GNAL: variants seen among roughly 807,000 people sequenced by gnomAD.
GNAL encodes the protein guanine nucleotide-binding protein G(olf) subunit alpha.
GNAL carries 18 observed loss-of-function variants against 55.1 expected under a neutral mutation model. The ratio of observed to expected loss-of-function variants is 0.33; its 90% CI spans 0.23 to 0.48. The LOEUF (loss-of-function observed/expected upper bound fraction) is 0.48, where lower values mean the gene tolerates loss of function less well. Among genes scored for constraint, GNAL ranks in the 20% least tolerant of loss-of-function variants. The pLI, the probability that GNAL is intolerant of heterozygous loss-of-function variation, is 0.99. For missense variants in GNAL, 412 were observed against 614.1 expected (o/e 0.67, Z 3.48); for synonymous variants, 253 against 237.0 (o/e 1.07, Z -0.62).
intron 1 of GNAL, among the ~76,000 whole-genome samples, chr18:11,733,161 T>C (rs1419571902): frequency 6.6e-6 from 1 of 152,146 alleles, no homozygotes; most frequent in Non-Finnish European, 1.5e-5. Flanking sequence ...ACAGGGGCGC[T>C]GGCGAGGGAA....
intron 4 of GNAL, among the ~76,000 whole-genome samples, chr18:11,820,651 A>G (rs984942275): frequency 1.3e-5 from 2 of 152,216 alleles, no homozygotes; most frequent in Admixed American, 1.3e-4. Flanking sequence ...CTCTATTTTT[A>G]TAAGTTTGAA....
At chr18:11,690,315 A>T (rs1325713971) in intron 1 of GNAL, among the ~76,000 whole-genome samples, 2 of 152,078 alleles carry the variant, frequency 1.3e-5, no homozygotes, top group Non-Finnish European at 2.9e-5. Context: ...CTGCTACACG[A>T]GGAGGCTGGC....
At chr18:11,844,306 C>T (rs1159031384) in intron 5 of GNAL, among the ~76,000 whole-genome samples, 20 of 150,800 alleles carry the variant, frequency 1.3e-4, no homozygotes, top group African/African-American at 4.6e-4. Flanking sequence ...TGGTGGCGGG[C>T]GCCTGTAGTC....
chr18:11,721,602 A>G (rs1460105653), intron 1 of GNAL, among the ~76,000 whole-genome samples: 1 of 152,110 alleles, frequency 6.6e-6, no homozygotes, highest in African/African-American at 2.4e-5. Flanking sequence ...TTAAAAATAC[A>G]AAAGTTAGCC....
intron 1 of GNAL, among the ~76,000 whole-genome samples, chr18:11,731,517 G>A (rs778721745): frequency 6.6e-6 from 1 of 152,236 alleles, no homozygotes; most frequent in African/African-American, 2.4e-5. Context: ...TCAGTGGGGG[G>A]CCTTAGGATT....
chr18:11,735,400 G>A (rs1021012164), intron 1 of GNAL, among the ~76,000 whole-genome samples: 1 of 152,108 alleles, frequency 6.6e-6, no homozygotes, highest in Non-Finnish European at 1.5e-5. Flanking sequence ...GCTCAATGAA[G>A]AGAGTGATGA....
At chr18:11,854,326 T>G (rs927571474) in intron 5 of GNAL, 3 of 167,124 alleles carry the variant, frequency 1.8e-5, no homozygotes. Flanking sequence ...TACATTTTTA[T>G]GAGTCATAAA....
In GNAL at chr18:11,884,481, A is replaced by G. The variant is rs771866268; in HGVS notation, c.*3346A>G. On this transcript the variant is annotated 3_prime_UTR_variant, in exon 12 of 12. Coordinates refer to ENST00000334049, the MANE Select transcript of GNAL (RefSeq NM_182978.4). ...TACGCTTTCCGAGCAAGTTCAAACCAGAAAGAAAAGGTGAGGCTAGAAGCC... is the reference window on the plus strand; with the variant it reads ...TACGCTTTCCGAGCAAGTTCAAACCGGAAAGAAAAGGTGAGGCTAGAAGCC... The G allele has an allele frequency of 6.2e-7, 1 of 1,614,142 alleles. No individual in the cohort carries two copies. Among genetic ancestry groups the G allele is most frequent in the South Asian group, 1.1e-5 (1 of 91,082 alleles).
chr18:11,748,464 T>C (rs2032739903), intron 1 of GNAL, among the ~76,000 whole-genome samples: 1 of 152,204 alleles, frequency 6.6e-6, no homozygotes, highest in African/African-American at 2.4e-5. Context: ...AGAAGCAGTT[T>C]TATAGCACAC....
intron 1 of GNAL, among the ~76,000 whole-genome samples, chr18:11,741,746 C>T (rs1310098683): frequency 1.3e-5 from 2 of 152,198 alleles, no homozygotes; most frequent in Non-Finnish European, 2.9e-5. Context: ...AGTATAATTG[C>T]AGTAAATGTG....
At chr18:11,782,495 T>C (rs1399757732) in intron 4 of GNAL, among the ~76,000 whole-genome samples, 2 of 152,142 alleles carry the variant, frequency 1.3e-5, no homozygotes, top group Admixed American at 1.3e-4. Flanking sequence ...TAAGCATGCA[T>C]GTATTTGTGA....
intron 4 of GNAL, among the ~76,000 whole-genome samples, chr18:11,765,610 T>C (rs1003426604): frequency 1.3e-5 from 2 of 152,218 alleles, no homozygotes; most frequent in African/African-American, 4.8e-5. Flanking sequence ...TTCTGTTCTC[T>C]ACTTCCATGA....
At chr18:11,797,857 A>T (rs2034431298) in intron 4 of GNAL, among the ~76,000 whole-genome samples, 1 of 152,194 alleles carries the variant, frequency 6.6e-6, no homozygotes, top group Non-Finnish European at 1.5e-5. Context: ...CTAAAAGATC[A>T]CTACTAAAAA....
chr18:11,745,209 T>C (rs2032663681), intron 1 of GNAL, among the ~76,000 whole-genome samples: 2 of 152,238 alleles, frequency 1.3e-5, no homozygotes. Context: ...CTCCTGGATC[T>C]TGGCCTGTCG....
chr18:11,764,078 T>C (rs532859936), intron 4 of GNAL, among the ~76,000 whole-genome samples: 1 of 152,276 alleles, frequency 6.6e-6, no homozygotes, highest in African/African-American at 2.4e-5. Flanking sequence ...GGAATGTTTT[T>C]TGAAACTGTA....
chr18:11,878,172 C>T (rs970180385), intron 11 of GNAL, among the ~76,000 whole-genome samples: 5 of 152,192 alleles, frequency 3.3e-5, no homozygotes, highest in African/African-American at 4.8e-5. Flanking sequence ...ACATCCAGGC[C>T]GGATGCAGTT....
chr18:11,703,687 T>G (rs552661735), intron 1 of GNAL, among the ~76,000 whole-genome samples: 2 of 152,154 alleles, frequency 1.3e-5, no homozygotes, highest in African/African-American at 4.8e-5. Context: ...TCAGATCCAT[T>G]TCCGTTTTTT....
chr18:11,714,263 G>T lies in GNAL; in HGVS notation c.376+24324G>T, dbSNP rs115226424. Reference sequence around the variant, plus strand: ...TTGCCAAGGTTGAGGACAGCCCAAGGAAAAAAGACACAAGTCACAGTAGGA... The same window carrying T: ...TTGCCAAGGTTGAGGACAGCCCAAGTAAAAAAGACACAAGTCACAGTAGGA... On this transcript the variant is annotated intron_variant, in intron 1 of 11. Coordinates refer to ENST00000334049, the MANE Select transcript of GNAL (RefSeq NM_182978.4). 3.9e-3 allele frequency among the ~76,000 whole-genome samples: 588 copies of T among 152,164 alleles called. 5 individuals carry two copies. Among genetic ancestry groups the T allele is most frequent in the African/African-American group, 0.013 (558 of 41,522 alleles).
intron 1 of GNAL, among the ~76,000 whole-genome samples, chr18:11,748,285 C>T (rs1315419396): frequency 2.0e-5 from 3 of 152,224 alleles, no homozygotes; most frequent in East Asian, 1.9e-4. Flanking sequence ...GGTAATAGTG[C>T]GAATGTTGCA....
Sources: gnomAD v4.1 joint callset for allele counts (sites outside exome capture counted in the v4.1 genomes callset) on GRCh38, gnomAD v4.1.1 for gene constraint, MANE v1.5 for transcripts, NCBI Gene and HGNC (gene_info 2026-07-23, HGNC 2026-07-21) for gene names.